The following PDZRN4 variants were observed in gnomAD, a reference collection of about 807,000 sequenced individuals.
PDZRN4 encodes the protein PDZ domain-containing RING finger protein 4.
Under a neutral mutation model 99.0 loss-of-function variants are expected in PDZRN4, and 70 were observed. The observed-to-expected ratio is 0.71, with a 90% confidence interval of 0.58 to 0.86. The LOEUF (loss-of-function observed/expected upper bound fraction) is 0.86, where lower values mean the gene tolerates loss of function less well. Ranked by LOEUF, PDZRN4 falls within the 40% of genes least tolerant of loss-of-function variation. The probability of loss-of-function intolerance (pLI) is 0.00; values close to 1 mark genes in which losing one functional copy is unlikely to be tolerated. For missense variants in PDZRN4, 1,474 were observed against 1,331.2 expected, an observed-to-expected ratio of 1.11 and a Z score of -1.67; for synonymous variants, 551 against 501.6, an observed-to-expected ratio of 1.10 and a Z score of -1.32.
chr12:41,479,755 T>C lies in PDZRN4; in HGVS notation c.844-26701T>C, dbSNP rs148007764. 2.4e-3 allele frequency among the ~76,000 whole-genome samples: 367 copies of C among 152,266 alleles called. 2 individuals are homozygous for C. The highest frequency in any genetic ancestry group is 8.5e-3 in the African/African-American group (355 of 41,566). On this transcript the variant is annotated intron_variant, in intron 3 of 9. Transcript: ENST00000402685. ...CATGTCTCTTTGTTCAAGATATCAA[T>C]AACAAATTTGCACTAAAGAATATGA... is the stretch of plus-strand genomic sequence containing the variant.
At position 41,322,232 on chromosome 12, in the gene PDZRN4, T is replaced by C. The variant is rs1366546290; in HGVS notation, c.843+128044T>C. Among the ~76,000 whole-genome samples, 5 of 151,984 alleles carry C rather than the reference T, an allele frequency of 3.3e-5. No individual in the cohort carries two copies. In the South Asian group the frequency reaches 8.3e-4, roughly 25 times the overall value. ...TTTTACTAGAGGCAGGGTTTCACCC[T>C]GTTGGCTAGGCTGGTCTCAAACTCC... On this transcript the variant is annotated intron_variant, in intron 3 of 9. Coordinates refer to ENST00000402685, the MANE Select transcript of PDZRN4 (RefSeq NM_001164595.2).
intron 3 of PDZRN4, among the ~76,000 whole-genome samples, chr12:41,352,572 G>A (rs1472185035): frequency 6.6e-6 from 1 of 152,066 alleles, no homozygotes; most frequent in Non-Finnish European, 1.5e-5. Flanking sequence ...TTATATGAGA[G>A]TTCAATTATT....
intron 3 of PDZRN4, chr12:41,477,730 C>T (rs535872337): frequency 1.9e-5 from 13 of 688,916 alleles, no homozygotes; most frequent in South Asian, 3.1e-5. Context: ...AGACCAACTC[C>T]GCACAAAACA....
intron 3 of PDZRN4, among the ~76,000 whole-genome samples, chr12:41,370,820 C>T (rs546725452): frequency 6.5e-4 from 98 of 151,892 alleles, no homozygotes; most frequent in Non-Finnish European, 1.2e-3. Context: ...TTAGCTATTT[C>T]TAATGTACTC....
intron 3 of PDZRN4, among the ~76,000 whole-genome samples, chr12:41,408,791 C>G (rs1952368783): frequency 6.6e-6 from 1 of 151,844 alleles, no homozygotes; most frequent in Non-Finnish European, 1.5e-5. Context: ...TCTTCTCTCT[C>G]TCTCTCTGTC....
intron 3 of PDZRN4, among the ~76,000 whole-genome samples, chr12:41,471,862 T>A (rs1952994186): frequency 6.6e-6 from 1 of 151,934 alleles, no homozygotes. Context: ...AAAAATACAT[T>A]TTCATACACT....
At chr12:41,540,604 A>C (rs1287658633) in intron 5 of PDZRN4, among the ~76,000 whole-genome samples, 1 of 152,226 alleles carries the variant, frequency 6.6e-6, no homozygotes, top group Non-Finnish European at 1.5e-5. Context: ...ATATAGGTCC[A>C]TCATAAAGCA....
intron 3 of PDZRN4, among the ~76,000 whole-genome samples, chr12:41,337,831 C>A (rs1029399977): frequency 1.3e-5 from 2 of 152,034 alleles, no homozygotes; most frequent in African/African-American, 2.4e-5. Context: ...TTAAACGGAC[C>A]AAAGCAATAC....
intron 3 of PDZRN4, among the ~76,000 whole-genome samples, chr12:41,215,604 C>A (rs1053570497): frequency 1.3e-4 from 20 of 151,962 alleles, no homozygotes; most frequent in Admixed American, 1.2e-3. Context: ...GTCATTAGAA[C>A]CTCAACAGAT....
At chr12:41,375,225 T>G (rs1291244640) in intron 3 of PDZRN4, among the ~76,000 whole-genome samples, 1 of 152,166 alleles carries the variant, frequency 6.6e-6, no homozygotes, top group African/African-American at 2.4e-5. Context: ...TCAGACCCCT[T>G]ACTCTCAGAA....
intron 3 of PDZRN4, among the ~76,000 whole-genome samples, chr12:41,220,784 T>G (rs1240564330): frequency 6.6e-6 from 1 of 152,150 alleles, no homozygotes; most frequent in Non-Finnish European, 1.5e-5. Context: ...AGAAGGTAGA[T>G]CCATAATAAT....
At chr12:41,357,958 G>A (rs1254642330) in intron 3 of PDZRN4, among the ~76,000 whole-genome samples, 1 of 151,984 alleles carries the variant, frequency 6.6e-6, no homozygotes, top group Non-Finnish European at 1.5e-5. Flanking sequence ...CAACCCAAGA[G>A]GAAATTTTCA....
intron 5 of PDZRN4, among the ~76,000 whole-genome samples, chr12:41,519,441 G>A (rs1025588707): frequency 6.6e-6 from 1 of 152,034 alleles, no homozygotes; most frequent in African/African-American, 2.4e-5. Flanking sequence ...TCCACAAAAT[G>A]TTCTCAGTTG....
intron 5 of PDZRN4, among the ~76,000 whole-genome samples, chr12:41,520,156 GT>G (rs1275344565): frequency 3.3e-5 from 5 of 152,186 alleles, no homozygotes; most frequent in Admixed American, 1.3e-4. Flanking sequence ...AAGCAAAAAA[GT>G]TTTTTTAACT....
intron 4 of PDZRN4, among the ~76,000 whole-genome samples, chr12:41,507,270 CA>C (rs1179568806): frequency 2.0e-5 from 3 of 152,078 alleles, no homozygotes; most frequent in South Asian, 4.1e-4. Flanking sequence ...ATAGTGCTAT[CA>C]AATAAAGATC....
At chr12:41,341,044 A>C (rs548028454) in intron 3 of PDZRN4, among the ~76,000 whole-genome samples, 51 of 152,108 alleles carry the variant, frequency 3.4e-4, no homozygotes, top group Non-Finnish European at 5.7e-4. Flanking sequence ...CAGGGATTCA[A>C]GGATGGTTTA....
chr12:41,275,288 A>G (rs1816655786), intron 3 of PDZRN4, among the ~76,000 whole-genome samples: 1 of 152,102 alleles, frequency 6.6e-6, no homozygotes, highest in Admixed American at 6.6e-5. Flanking sequence ...CTTCCCCATC[A>G]TAACTCTCTT....
chr12:41,380,274 G>T (rs1952114216), intron 3 of PDZRN4, among the ~76,000 whole-genome samples: 1 of 151,806 alleles, frequency 6.6e-6, no homozygotes, highest in Non-Finnish European at 1.5e-5. Flanking sequence ...ATGGTTCCTG[G>T]ATTTTGTTTT....
At chr12:41,418,058 A>T (rs1952458595) in intron 3 of PDZRN4, among the ~76,000 whole-genome samples, 1 of 152,220 alleles carries the variant, frequency 6.6e-6, no homozygotes, top group Non-Finnish European at 1.5e-5. Flanking sequence ...AATACTGAAC[A>T]TTAAATGCAA....
Sources: allele counts gnomAD v4.1 joint callset (sites outside exome capture counted in the v4.1 genomes callset), GRCh38; gene constraint gnomAD v4.1.1; transcripts MANE v1.5; gene names NCBI Gene and HGNC (gene_info 2026-07-23, HGNC 2026-07-21).